The following GREM2 variants were observed in gnomAD, a reference collection of about 807,000 sequenced individuals.
GREM2 encodes gremlin 2, DAN family BMP antagonist.
In GREM2, 11 loss-of-function variants were observed where a neutral mutation model predicts 14.2. That is an observed-to-expected ratio of 0.78 (90% confidence interval 0.49 to 1.28). The LOEUF (loss-of-function observed/expected upper bound fraction) is 1.28. Among genes scored for constraint, GREM2 ranks in the 50% most tolerant of loss-of-function variants. GREM2 has a pLI of 0.00. For missense variants in GREM2, 210 were observed against 218.5 expected, an observed-to-expected ratio of 0.96 and a Z score of 0.24; for synonymous variants, 98 against 97.6, an observed-to-expected ratio of 1.00 and a Z score of -0.02.
intron 1 of GREM2, among the ~76,000 whole-genome samples, chr1:240,539,087 AG>A (rs1184823217): frequency 6.6e-6 from 1 of 152,200 alleles, no homozygotes; most frequent in Non-Finnish European, 1.5e-5. Flanking sequence ...GACATTAGGA[AG>A]GGGAAAGTCA....
chr1:240,550,424 C>T (rs1678824557), intron 1 of GREM2: 1 of 152,402 alleles, frequency 6.6e-6, no homozygotes, highest in South Asian at 2.1e-4. Context: ...AACAAACAAA[C>T]AAACAAACTC....
intron 1 of GREM2, among the ~76,000 whole-genome samples, chr1:240,547,925 G>A (rs1037905147): frequency 2.6e-5 from 4 of 151,964 alleles, no homozygotes; most frequent in African/African-American, 9.7e-5. Flanking sequence ...GTTATCTGAT[G>A]GGAGAAGAAA....
chr1:240,537,851 T>C (rs917901645), intron 1 of GREM2, among the ~76,000 whole-genome samples: 2 of 152,218 alleles, frequency 1.3e-5, no homozygotes, highest in African/African-American at 4.8e-5. Context: ...ATATTACTCT[T>C]TTATACAAAT....
intron 1 of GREM2, among the ~76,000 whole-genome samples, chr1:240,537,562 A>G (rs1678500468): frequency 6.6e-6 from 1 of 152,150 alleles, no homozygotes; most frequent in African/African-American, 2.4e-5. Context: ...AGGTGGGTGG[A>G]TCACCTGAGG....
chr1:240,548,829 G>A (rs1678788925), intron 1 of GREM2, among the ~76,000 whole-genome samples: 1 of 152,150 alleles, frequency 6.6e-6, no homozygotes, highest in Admixed American at 6.5e-5. Flanking sequence ...GAACAACCTT[G>A]GTTAGAAAGA....
chr1:240,591,167 C>T (rs999116834), intron 1 of GREM2, among the ~76,000 whole-genome samples: 1 of 152,118 alleles, frequency 6.6e-6, no homozygotes, highest in African/African-American at 2.4e-5. Context: ...AAGAAGCACT[C>T]GTGCTGTTTT....
Position 240,492,774 on chromosome 1 carries a change from A to T in GREM2, c.*195T>A. The T allele has an allele frequency of 2.1e-6, 1 of 479,158 alleles. No homozygotes were observed. The highest frequency in any genetic ancestry group is 3.2e-6 in the Non-Finnish European group (1 of 309,380). The allele number at this position is 479,158 out of a possible 1,614,324, so 29.7% of individuals were successfully genotyped here. A position where few individuals can be genotyped will look rare whatever the true frequency, so the allele number is the denominator to read the frequency against. On this transcript the variant is annotated 3_prime_UTR_variant, in exon 2 of 2. Coordinates refer to ENST00000318160, the MANE Select transcript of GREM2 (RefSeq NM_022469.4). ...GCACAGGTGGGACCCGGGGTCGGTCAGGAACACATCAGCAAAAGCTCCACT... is the reference window on the plus strand; with the variant it reads ...GCACAGGTGGGACCCGGGGTCGGTCTGGAACACATCAGCAAAAGCTCCACT...
At chr1:240,561,693 T>TAC (rs541661990) in intron 1 of GREM2, among the ~76,000 whole-genome samples, 13,005 of 145,598 alleles carry the variant, frequency 0.089, 576 homozygotes, top group African/African-American at 0.1. Flanking sequence ...TAATCCTGCA[T>TAC]ACACACACAC....
At chr1:240,547,417 T>A (rs1370152313) in intron 1 of GREM2, among the ~76,000 whole-genome samples, 2 of 150,570 alleles carry the variant, frequency 1.3e-5, no homozygotes, top group African/African-American at 4.9e-5. Context: ...GGAGAATCGC[T>A]TGAACCCGGG....
chr1:240,557,964 C>A (rs56095457), intron 1 of GREM2, among the ~76,000 whole-genome samples: 16,246 of 152,060 alleles, frequency 0.11, 967 homozygotes, highest in African/African-American at 0.14. Flanking sequence ...GAAAACAAAA[C>A]AAATGAGAAA....
chr1:240,515,771 T>G (rs1375895965), intron 1 of GREM2, among the ~76,000 whole-genome samples: 1 of 152,206 alleles, frequency 6.6e-6, no homozygotes, highest in Non-Finnish European at 1.5e-5. Flanking sequence ...TGCATCATTA[T>G]CTTTTGTCTG....
intron 1 of GREM2, among the ~76,000 whole-genome samples, chr1:240,557,688 G>A (rs1431227103): frequency 6.6e-6 from 1 of 152,024 alleles, no homozygotes; most frequent in East Asian, 1.9e-4. Context: ...AGCTACTAGA[G>A]TGTGTCTCAT....
Position 240,492,946 on chromosome 1 carries a change from C to T in GREM2, c.*23G>A. On this transcript the variant is annotated 3_prime_UTR_variant, in exon 2 of 2. Coordinates refer to ENST00000318160, the MANE Select transcript of GREM2 (RefSeq NM_022469.4). The stretch of plus-strand genomic sequence containing the variant: ...ACCCAGCGGCCGGGCGCGCGCGGGG[C>T]TGAGCTGCGTCCGGCCCGGCGCTCA... 2 of 1,487,662 alleles carry T rather than the reference C, an allele frequency of 1.3e-6. No individual in the cohort carries two copies. The highest frequency in any genetic ancestry group is 1.8e-6 in the Non-Finnish European group (2 of 1,117,210). 92.2% of individuals were successfully genotyped at this position (1,487,662 alleles called of 1,614,324 possible).
chr1:240,556,151 T>G (rs1012374048), intron 1 of GREM2, among the ~76,000 whole-genome samples: 9 of 152,210 alleles, frequency 5.9e-5, no homozygotes, highest in Non-Finnish European at 1.0e-4. Context: ...ATAAAGAATA[T>G]TCACTTACGC....
chr1:240,493,513 G>C (rs771281182), intron 1 of GREM2, 37 bp from the exon 2 acceptor site: 1 of 1,551,074 alleles, frequency 6.4e-7, no homozygotes, highest in African/African-American at 1.4e-5. Context: ...GCTGTGAAGG[G>C]CCGTAGAGTA....
intron 1 of GREM2, among the ~76,000 whole-genome samples, chr1:240,565,972 T>C (rs1174048144): frequency 1.3e-5 from 2 of 152,058 alleles, no homozygotes; most frequent in African/African-American, 4.8e-5. Context: ...GACCCCTGCA[T>C]GGTCATGTAA....
At chr1:240,563,036 GTGTA>G (rs572221321) in intron 1 of GREM2, among the ~76,000 whole-genome samples, 46 of 143,414 alleles carry the variant, frequency 3.2e-4, no homozygotes, top group Non-Finnish European at 5.9e-4. Flanking sequence ...GTATATGAGT[GTGTA>G]TGTGTGTATG....
chr1:240,527,704 A>G (rs2103310667), intron 1 of GREM2, among the ~76,000 whole-genome samples: 1 of 152,302 alleles, frequency 6.6e-6, no homozygotes, highest in East Asian at 1.9e-4. Context: ...CATGATCTCT[A>G]ATCTCTACCA....
chr1:240,507,904 C>T (rs1677717629), intron 1 of GREM2, among the ~76,000 whole-genome samples: 1 of 152,066 alleles, frequency 6.6e-6, no homozygotes, highest in Admixed American at 6.6e-5. Context: ...GTCTGCCCTT[C>T]CAAATATTTA....
Sources: gnomAD v4.1 joint callset for allele counts (sites outside exome capture counted in the v4.1 genomes callset) on GRCh38, gnomAD v4.1.1 for gene constraint, MANE v1.5 for transcripts, NCBI Gene and HGNC (gene_info 2026-07-23, HGNC 2026-07-21) for gene names.